Variants in PHACTR3 observed in about 807,000 individuals in gnomAD.
The protein encoded by PHACTR3 is protein phosphatase 1, regulatory subunit 123.
Under a neutral mutation model 66.8 loss-of-function variants are expected in PHACTR3, and 16 were observed. The observed-to-expected ratio is 0.24, with a 90% CI of 0.16 to 0.36. The LOEUF (loss-of-function observed/expected upper bound fraction) is 0.36, where lower values mean the gene tolerates loss of function less well. PHACTR3 is among the 10% of genes least tolerant of loss of function. The probability of loss-of-function intolerance (pLI) is 1.00; values close to 1 mark genes in which losing one functional copy is unlikely to be tolerated. For missense variants in PHACTR3, 647 were observed against 719.9 expected (o/e 0.90, Z 1.16); for synonymous variants, 323 against 292.1 (o/e 1.11, Z -1.08).
At chr20:59,702,430 T>A (rs1379307108) in intron 1 of PHACTR3, among the ~76,000 whole-genome samples, 1 of 152,208 alleles carries the variant, frequency 6.6e-6, no homozygotes, top group Non-Finnish European at 1.5e-5. Context: ...CACATCCAGA[T>A]CTCAGCTGAA....
intron 1 of PHACTR3, among the ~76,000 whole-genome samples, chr20:59,680,344 T>C (rs1220490835): frequency 6.6e-6 from 1 of 151,924 alleles, no homozygotes; most frequent in African/African-American, 2.4e-5. Flanking sequence ...ACAGAAACGG[T>C]CCAGTGGTGG....
chr20:59,837,703 A>C lies in PHACTR3; in HGVS notation c.1384+1143A>C, dbSNP rs1433750083. Among the ~76,000 whole-genome samples the C allele has an allele frequency of 2.0e-5, 3 of 152,222 alleles. No homozygotes were observed. In the South Asian group the frequency reaches 6.2e-4, roughly 31 times the overall value. On this transcript the variant is annotated intron_variant, in intron 9 of 12. Coordinates refer to ENST00000371015, the MANE Select transcript of PHACTR3 (RefSeq NM_080672.5). ...TCAGTTGCCAAATATTTGAATTTTT[A>C]AAAATTAAGTCACTTATTTATAAAG... is the stretch of plus-strand genomic sequence containing the variant.
At chr20:59,764,701 C>T (rs953660610) in intron 4 of PHACTR3, among the ~76,000 whole-genome samples, 1 of 152,124 alleles carries the variant, frequency 6.6e-6, no homozygotes, top group Admixed American at 6.5e-5. Context: ...GCTGGGTGAC[C>T]AGTACCCTGA....
At chr20:59,817,323 G>C (rs1228931656) in intron 8 of PHACTR3, among the ~76,000 whole-genome samples, 1 of 152,232 alleles carries the variant, frequency 6.6e-6, no homozygotes, top group Non-Finnish European at 1.5e-5. Context: ...ACTGCCGTCT[G>C]GCTGCTGACC....
chr20:59,632,596 A>G (rs906392378), intron 1 of PHACTR3, among the ~76,000 whole-genome samples: 1 of 152,212 alleles, frequency 6.6e-6, no homozygotes, highest in Non-Finnish European at 1.5e-5. Context: ...CATTATTTGC[A>G]TCCCTGGATC....
At chr20:59,735,167 C>T (rs533674735) in intron 1 of PHACTR3, among the ~76,000 whole-genome samples, 55 of 152,220 alleles carry the variant, frequency 3.6e-4, no homozygotes, top group African/African-American at 1.3e-3. Flanking sequence ...TATTGTGGCT[C>T]ATGTCACATT....
intron 1 of PHACTR3, among the ~76,000 whole-genome samples, chr20:59,618,005 C>A (rs1229270565): frequency 6.6e-6 from 1 of 152,162 alleles, no homozygotes; most frequent in Non-Finnish European, 1.5e-5. Flanking sequence ...TGCCCTGGAG[C>A]CCTGCGGGCT....
At position 59,678,790 on chromosome 20, in the gene PHACTR3, T is replaced by C. The variant is rs1279901322; in HGVS notation, c.119-64317T>C. Among the ~76,000 whole-genome samples, 3 of 152,204 alleles carry C rather than the reference T, an allele frequency of 2.0e-5. No homozygotes were observed. In the East Asian group the frequency reaches 5.8e-4, roughly 29 times the overall value. On this transcript the variant is annotated intron_variant, in intron 1 of 12. Transcript: ENST00000371015. ...TTTGATTTTCTTTCTACTGCTAATT[T>C]CCTGGCTGGGAGCACCTGGAGGGTA...
At chr20:59,756,604 C>T (rs2039802919) in intron 4 of PHACTR3, among the ~76,000 whole-genome samples, 1 of 152,104 alleles carries the variant, frequency 6.6e-6, no homozygotes, top group South Asian at 2.1e-4. Flanking sequence ...TCCCAGCTCT[C>T]ACGCAGAGGC....
At chr20:59,698,661 T>G (rs1030615335) in intron 1 of PHACTR3, among the ~76,000 whole-genome samples, 7 of 152,182 alleles carry the variant, frequency 4.6e-5, no homozygotes, top group African/African-American at 1.7e-4. Context: ...AGTTTGGATA[T>G]CTAATGATTT....
chr20:59,713,108 A>C (rs2037964641), intron 1 of PHACTR3, among the ~76,000 whole-genome samples: 1 of 152,226 alleles, frequency 6.6e-6, no homozygotes, highest in Non-Finnish European at 1.5e-5. Context: ...ATTTTGAATC[A>C]GGGTGGAGGT....
chr20:59,752,069 C>T (rs2039613644), intron 3 of PHACTR3, among the ~76,000 whole-genome samples: 1 of 152,248 alleles, frequency 6.6e-6, no homozygotes, highest in Non-Finnish European at 1.5e-5. Context: ...GTTTATTACT[C>T]TGTGCTGTGT....
chr20:59,582,568 C>T (rs998764504), intron 1 of PHACTR3, among the ~76,000 whole-genome samples: 4 of 152,170 alleles, frequency 2.6e-5, no homozygotes, highest in Non-Finnish European at 4.4e-5. Context: ...TCGGAGGTAC[C>T]CGTTTCTCTC....
At position 59,639,164 on chromosome 20, in the gene PHACTR3, G is replaced by T. The variant is rs1361652623; in HGVS notation, c.118+34032G>T. Among the ~76,000 whole-genome samples the T allele has an allele frequency of 2.0e-5, 3 of 151,968 alleles. No homozygotes were observed. The East Asian group carries it at 5.8e-4, about 29-fold the overall frequency. On this transcript the variant is annotated intron_variant, in intron 1 of 12. Coordinates refer to ENST00000371015, the MANE Select transcript of PHACTR3 (RefSeq NM_080672.5). The stretch of plus-strand genomic sequence containing the variant: ...TATGAGTGGGTAGGTGGGTGGGTGG[G>T]TCTGTGGATGGATGGATGAGTGGGT...
chr20:59,811,664 G>A (rs1312791442), intron 8 of PHACTR3, among the ~76,000 whole-genome samples: 2 of 151,566 alleles, frequency 1.3e-5, no homozygotes, highest in East Asian at 3.9e-4. Context: ...GGGGGTTGGG[G>A]GTGGTGGCAG....
At chr20:59,808,335 G>A (rs2041629778) in intron 8 of PHACTR3, among the ~76,000 whole-genome samples, 1 of 152,224 alleles carries the variant, frequency 6.6e-6, no homozygotes, top group African/African-American at 2.4e-5. Context: ...CTGGCAGGGT[G>A]GGCCTCTGTT....
At chr20:59,690,538 C>T (rs992408744) in intron 1 of PHACTR3, among the ~76,000 whole-genome samples, 20 of 152,186 alleles carry the variant, frequency 1.3e-4, no homozygotes, top group Non-Finnish European at 4.4e-5. Flanking sequence ...TCTTTGGGCA[C>T]AGGAGGTGTG....
chr20:59,775,410 G>A (rs910961091), intron 7 of PHACTR3, among the ~76,000 whole-genome samples: 2 of 152,174 alleles, frequency 1.3e-5, no homozygotes, highest in African/African-American at 4.8e-5. Context: ...GAGCAGGAAA[G>A]GGCATCAGAT....
intron 1 of PHACTR3, among the ~76,000 whole-genome samples, chr20:59,610,314 A>G (rs2033809504): frequency 6.6e-6 from 1 of 152,198 alleles, no homozygotes; most frequent in South Asian, 2.1e-4. Context: ...ACAGAAGCCA[A>G]TGACAATGGA....
Sources: allele counts gnomAD v4.1 joint callset (sites outside exome capture counted in the v4.1 genomes callset), GRCh38; gene constraint gnomAD v4.1.1; transcripts MANE v1.5; gene names NCBI Gene and HGNC (gene_info 2026-07-23, HGNC 2026-07-21).